The following CNTN4 variants were observed in gnomAD, a reference collection of about 807,000 sequenced individuals.
CNTN4 encodes the protein contactin-4.
CNTN4 carries 77 observed loss-of-function variants against 122.5 expected under a neutral mutation model. The observed-to-expected ratio is 0.63, with a 90% confidence interval of 0.52 to 0.76. CNTN4 has a LOEUF of 0.76. CNTN4 is among the 30% of genes least tolerant of loss of function. CNTN4 has a pLI of 0.00. For missense variants in CNTN4, 1,256 were observed against 1,259.1 expected, an observed-to-expected ratio of 1.00 and a Z score of 0.04; for synonymous variants, 512 against 447.0, an observed-to-expected ratio of 1.15 and a Z score of -1.83.
At chr3:2,581,089 A>T (rs1342400090) in intron 4 of CNTN4, among the ~76,000 whole-genome samples, 2 of 152,190 alleles carry the variant, frequency 1.3e-5, no homozygotes, top group African/African-American at 4.8e-5. Flanking sequence ...TCATCTGGCA[A>T]CTTATTAGAA....
chr3:3,018,531 A>G (rs1313910767), intron 14 of CNTN4, among the ~76,000 whole-genome samples: 1 of 152,062 alleles, frequency 6.6e-6, no homozygotes, highest in Non-Finnish European at 1.5e-5. Flanking sequence ...CTCTATGGAG[A>G]CATGGCTGTG....
At chr3:2,288,747 A>C (rs2042031403) in intron 2 of CNTN4, among the ~76,000 whole-genome samples, 1 of 152,170 alleles carries the variant, frequency 6.6e-6, no homozygotes, top group Non-Finnish European at 1.5e-5. Flanking sequence ...GAAGAATATG[A>C]ATCTGGAAAT....
chr3:2,949,375 T>C, intron 13 of CNTN4, among the ~76,000 whole-genome samples: 1 of 152,202 alleles, frequency 6.6e-6, no homozygotes, highest in East Asian at 1.9e-4. Flanking sequence ...ATTATGAAGT[T>C]TGTTTTTTCT....
At chr3:2,985,912 C>CTTT (rs762011820) in intron 13 of CNTN4, among the ~76,000 whole-genome samples, 5 of 129,936 alleles carry the variant, frequency 3.8e-5, no homozygotes, top group African/African-American at 5.9e-5. Flanking sequence ...TAAGAGAATA[C>CTTT]TTTTTTTTTT....
chr3:2,889,152 C>G (rs916156255), intron 10 of CNTN4, among the ~76,000 whole-genome samples: 2 of 152,176 alleles, frequency 1.3e-5, no homozygotes, highest in Admixed American at 6.5e-5. Context: ...GCAGAGATTT[C>G]CACTATGAGC....
chr3:2,920,068 G>T (rs538944115), intron 12 of CNTN4, among the ~76,000 whole-genome samples: 1 of 151,960 alleles, frequency 6.6e-6, no homozygotes, highest in South Asian at 2.1e-4. Context: ...CAAAGTATTT[G>T]TCAGTTTTCA....
At chr3:2,110,404 C>T (rs1195592953) in intron 2 of CNTN4, 2 of 152,198 alleles carry the variant, frequency 1.3e-5, no homozygotes, top group Admixed American at 6.5e-5. Flanking sequence ...TTATACAGAA[C>T]GTAGTATACT....
At chr3:2,125,750 G>T (rs891868923) in intron 2 of CNTN4, among the ~76,000 whole-genome samples, 11 of 151,622 alleles carry the variant, frequency 7.3e-5, no homozygotes, top group South Asian at 4.2e-4. Context: ...GTAGAGACGG[G>T]TTTTACCGTG....
At chr3:2,480,231 A>G (rs2075952720) in intron 3 of CNTN4, among the ~76,000 whole-genome samples, 1 of 152,172 alleles carries the variant, frequency 6.6e-6, no homozygotes, top group South Asian at 2.1e-4. Context: ...AACTTCTACC[A>G]CTGCTTTTCA....
chr3:2,517,998 C>T (rs2077086932), intron 3 of CNTN4, among the ~76,000 whole-genome samples: 1 of 152,160 alleles, frequency 6.6e-6, no homozygotes, highest in Non-Finnish European at 1.5e-5. Flanking sequence ...CACAATCCTT[C>T]CCTAGAGTCC....
At chr3:2,358,277 T>C (rs1420432528) in intron 3 of CNTN4, among the ~76,000 whole-genome samples, 1 of 152,180 alleles carries the variant, frequency 6.6e-6, no homozygotes, top group Non-Finnish European at 1.5e-5. Context: ...GCCTCCGTTT[T>C]TGCAACTACA....
chr3:2,684,046 G>T (rs935564258), intron 4 of CNTN4, among the ~76,000 whole-genome samples: 1 of 152,146 alleles, frequency 6.6e-6, no homozygotes, highest in African/African-American at 2.4e-5. Flanking sequence ...AGGAATAGTG[G>T]AGGGGAACAC....
At chr3:2,825,015 T>G (rs2092957624) in intron 7 of CNTN4, among the ~76,000 whole-genome samples, 1 of 152,058 alleles carries the variant, frequency 6.6e-6, no homozygotes, top group African/African-American at 2.4e-5. Flanking sequence ...AGCTTTGACT[T>G]TATATGTTTT....
At chr3:2,642,199 C>G (rs1488114609) in intron 4 of CNTN4, among the ~76,000 whole-genome samples, 1 of 152,180 alleles carries the variant, frequency 6.6e-6, no homozygotes, top group Non-Finnish European at 1.5e-5. Flanking sequence ...AAGAGTAGAA[C>G]TTGCAGTACA....
intron 14 of CNTN4, among the ~76,000 whole-genome samples, chr3:3,023,670 C>T (rs1250296851): frequency 1.3e-5 from 2 of 152,140 alleles, no homozygotes; most frequent in Admixed American, 6.5e-5. Context: ...GAGCTAGAGC[C>T]ACCATTTTAG....
intron 2 of CNTN4, among the ~76,000 whole-genome samples, chr3:2,214,811 T>C (rs1306709244): frequency 6.6e-6 from 1 of 152,206 alleles, no homozygotes; most frequent in Non-Finnish European, 1.5e-5. Flanking sequence ...GTATACTCTT[T>C]AGCATTGTTA....
intron 6 of CNTN4, among the ~76,000 whole-genome samples, chr3:2,817,746 A>G (rs548374676): frequency 4.6e-5 from 7 of 152,344 alleles, no homozygotes; most frequent in Non-Finnish European, 5.9e-5. Context: ...ATATCTGTGC[A>G]CAAATGTAGA....
chr3:2,186,110 G>A (rs2037248554), intron 2 of CNTN4, among the ~76,000 whole-genome samples: 1 of 138,810 alleles, frequency 7.2e-6, no homozygotes, highest in African/African-American at 2.8e-5. Flanking sequence ...GCCCCAGTGT[G>A]TGACGTTCCC....
intron 6 of CNTN4, among the ~76,000 whole-genome samples, chr3:2,764,707 A>G (rs930250002): frequency 6.6e-6 from 1 of 152,214 alleles, no homozygotes; most frequent in African/African-American, 2.4e-5. Flanking sequence ...CTGTAAGTCT[A>G]ATCATCAGTT....
Sources: allele counts gnomAD v4.1 joint callset (sites outside exome capture counted in the v4.1 genomes callset), GRCh38; gene constraint gnomAD v4.1.1; transcripts MANE v1.5; gene names NCBI Gene and HGNC (gene_info 2026-07-23, HGNC 2026-07-21).